Variants in PCNX1 observed in about 807,000 individuals in gnomAD.
PCNX1 encodes the protein pecanex 1.
A neutral mutation model predicts 242.2 loss-of-function variants in PCNX1; 78 were observed. The ratio of observed to expected loss-of-function variants is 0.32; its 90% CI spans 0.27 to 0.39. The LOEUF (loss-of-function observed/expected upper bound fraction) is 0.39, where lower values mean the gene tolerates loss of function less well. Among genes scored for constraint, PCNX1 ranks in the 10% least tolerant of loss-of-function variants. PCNX1 has a pLI of 1.00. For synonymous variants in PCNX1, 1,024 were observed against 1,032.9 expected (o/e 0.99, Z 0.17); for missense variants, 2,581 against 2,856.5 (o/e 0.90, Z 2.20).
Position 71,076,302 on chromosome 14 carries a change from G to A in PCNX1, c.5220G>A (p.Pro1740=), listed in dbSNP as rs769664456. 1.2e-5 allele frequency: 19 copies of A among 1,613,764 alleles called. No homozygotes were observed. In the East Asian group the frequency reaches 1.3e-4, roughly 11 times the overall value. The stretch of plus-strand genomic sequence containing the variant: ...ATCGCAATTATGTCGATGTGGACCC[G>A]ACCTTTAATCCAAACATTGATGAAG... ...CADRNYVDVD[P]TFNPNIDEDY... Residue 1740 remains proline, a synonymous_variant, in exon 28 of 36, where the codon CCG becomes CCA. Transcript: ENST00000304743.
At chr14:71,052,808 A>G (rs1595382206) in intron 24 of PCNX1, among the ~76,000 whole-genome samples, 1 of 152,300 alleles carries the variant, frequency 6.6e-6, no homozygotes, top group East Asian at 1.9e-4. Flanking sequence ...TGGGCTAGCT[A>G]CTTAATCTGA....
rs2061217380 is a variant in PCNX1 at position 71,057,607 on chromosome 14, A to G, written c.4735A>G (p.Asn1579Asp). 6.2e-7 allele frequency: 1 copy of G among 1,613,306 alleles called. No homozygotes were observed. The highest frequency in any genetic ancestry group is 8.5e-7 in the Non-Finnish European group (1 of 1,179,270). ...TGATTTGCTACTAGGACGGTGGGGA[A>G]ACTACAGTACAGGGGACTGTTTCAT... The part of the protein sequence containing the change: ...CGDLLLGRWG[N>D]YSTGDCFILA... The change falls in exon 26 of 36, where the codon AAC (asparagine) becomes GAC (aspartate). Residue 1579 changes from asparagine (N) to aspartate (D), a missense_variant. By Grantham distance (23) the Asn-to-Asp change is conservative. This residue lies in a region of PCNX1 where 54 missense variants were observed against 45.3 expected (regional missense o/e 1.19). Coordinates refer to ENST00000304743, the MANE Select transcript of PCNX1 (RefSeq NM_014982.3).
rs2062522000 is a variant in PCNX1, at chr14:71,103,616, G to A, written c.6042G>A (p.Gly2014=). The A allele has an allele frequency of 6.2e-7, 1 of 1,613,922 alleles. No individual in the cohort carries two copies. The highest frequency in any genetic ancestry group is 8.5e-7 in the Non-Finnish European group (1 of 1,179,980). Residue 2014 remains glycine, a synonymous_variant, in exon 32 of 36, where the codon GGG becomes GGA. Coordinates refer to ENST00000304743, the MANE Select transcript of PCNX1 (RefSeq NM_014982.3). ...DSHEQLKDIL[G]GPISLGNIRN... is the part of the protein sequence containing the mutation. ...ACGAACAGCTTAAAGACATTCTTGG[G>A]GGTCCTATCAGCTTGGGAAATATCA...
At chr14:70,936,799 T>C (rs1028972515) in intron 1 of PCNX1, among the ~76,000 whole-genome samples, 11 of 152,204 alleles carry the variant, frequency 7.2e-5, no homozygotes, top group Non-Finnish European at 1.3e-4. Context: ...ACCTGTTGTT[T>C]CCTGACTTTT....
At chr14:71,029,221 G>A (rs949918506) in intron 16 of PCNX1, among the ~76,000 whole-genome samples, 20 of 152,066 alleles carry the variant, frequency 1.3e-4, no homozygotes, top group African/African-American at 3.9e-4. Flanking sequence ...GAAATTTAAC[G>A]TCATTATTGG....
At chr14:71,023,175 A>G in intron 12 of PCNX1, 25 bp from the exon 13 acceptor site, 1 of 1,593,470 alleles carries the variant, frequency 6.3e-7, no homozygotes, top group Non-Finnish European at 8.6e-7. Flanking sequence ...CAGGAGTGTA[A>G]TTTGTCTTTC....
chr14:71,012,624 G>T, intron 10 of PCNX1: 1 of 288,256 alleles, frequency 3.5e-6, no homozygotes, highest in Non-Finnish European at 6.7e-6. Context: ...GAGGTCAAGA[G>T]TTCAAGACCA....
intron 1 of PCNX1, among the ~76,000 whole-genome samples, chr14:70,918,728 A>C (rs2056248707): frequency 6.6e-6 from 1 of 152,160 alleles, no homozygotes; most frequent in African/African-American, 2.4e-5. Flanking sequence ...AAAAATGCCA[A>C]ATTTTCTTCT....
chr14:71,008,679 AAAAG>A (rs2059737699), intron 8 of PCNX1, among the ~76,000 whole-genome samples: 1 of 151,368 alleles, frequency 6.6e-6, no homozygotes, highest in South Asian at 2.1e-4. Flanking sequence ...AAAAAAAAAA[AAAAG>A]GGATTCCTGT....
chr14:70,986,545 T>C (rs2059007891), intron 6 of PCNX1, among the ~76,000 whole-genome samples: 1 of 152,234 alleles, frequency 6.6e-6, no homozygotes, highest in African/African-American at 2.4e-5. Flanking sequence ...AATTAGCTTT[T>C]ACTTAAGATT....
rs374751889 is a variant in PCNX1 at position 70,995,802 on chromosome 14, C to A, written c.2506C>A (p.Pro836Thr). The A allele has an allele frequency of 4.5e-5, 72 of 1,614,068 alleles. No individual in the cohort carries two copies. Among genetic ancestry groups the A allele is most frequent in the South Asian group, 2.6e-4 (24 of 91,084 alleles). The change falls in exon 8 of 36, where the codon CCT becomes ACT. Residue 836 changes from proline (P) to threonine (T), a missense_variant. Physicochemically the swap from Pro to Thr is conservative, Grantham distance 38. Transcript: ENST00000304743. ...CCAGGTCAAAGTCCAGTCCCGCCCC[C>A]CTTCCCAGGCTGCAGTGCTCAGTGC... ...TAQVKVQSRP[P>T]SQAAVLSASA...
In PCNX1 at chr14:70,985,997, C is replaced by T. The variant is rs764407720; in HGVS notation, c.2312-2570C>T. On this transcript the variant is annotated intron_variant, in intron 6 of 35. Transcript: ENST00000304743. ...TTGGATTCTGGAAGGGAATATTTATCAAGTGTGGCTATAACATATGTGACT... is the reference window on the plus strand; with the variant it reads ...TTGGATTCTGGAAGGGAATATTTATTAAGTGTGGCTATAACATATGTGACT... 5.5e-4 allele frequency among the ~76,000 whole-genome samples: 84 copies of T among 151,920 alleles called. 1 individual carries two copies. Among genetic ancestry groups the T allele is most frequent in the Admixed American group, 2.0e-4 (3 of 15,256 alleles).
At position 71,073,533 on chromosome 14, in the gene PCNX1, T is replaced by C. The variant is rs368129023; in HGVS notation, c.4853-12T>C. ...TTTTCCCCCTTTGTAAAGCTCTCTC[T>C]CTCTCTCTAAGGTACCTACTGTCAA... On this transcript the variant is annotated splice_polypyrimidine_tract_variant and intron_variant, in intron 26 of 35. Coordinates refer to ENST00000304743, the MANE Select transcript of PCNX1 (RefSeq NM_014982.3). 4.1e-5 allele frequency: 65 copies of C among 1,591,806 alleles called. No individual in the cohort carries two copies. In the African/African-American group the frequency reaches 5.4e-4, roughly 13 times the overall value.
intron 6 of PCNX1, among the ~76,000 whole-genome samples, chr14:70,983,201 C>A (rs2058892324): frequency 6.6e-6 from 1 of 152,162 alleles, no homozygotes; most frequent in Admixed American, 6.5e-5. Context: ...TAGAAATCAC[C>A]TATAAAAGTA....
At chr14:70,991,203 CTTTT>C (rs1393062718) in intron 7 of PCNX1, among the ~76,000 whole-genome samples, 2 of 124,318 alleles carry the variant, frequency 1.6e-5, no homozygotes, top group Non-Finnish European at 1.7e-5. Context: ...TGTGTACTAC[CTTTT>C]TTTTTTTTTT....
At chr14:71,068,402 G>A (rs1028949672) in intron 26 of PCNX1, among the ~76,000 whole-genome samples, 7 of 148,270 alleles carry the variant, frequency 4.7e-5, no homozygotes, top group South Asian at 4.2e-4. Flanking sequence ...TTATGTATAC[G>A]TATATATATG....
intron 30 of PCNX1, among the ~76,000 whole-genome samples, chr14:71,091,467 GC>G (rs112663361): frequency 2.0e-5 from 3 of 152,178 alleles, no homozygotes; most frequent in African/African-American, 7.2e-5. Context: ...GAACTGCATA[GC>G]TACATTTATA....
At chr14:71,092,302 T>C (rs1422265140) in intron 30 of PCNX1, among the ~76,000 whole-genome samples, 1 of 152,238 alleles carries the variant, frequency 6.6e-6, no homozygotes, top group Non-Finnish European at 1.5e-5. Flanking sequence ...ATAGCTTTTA[T>C]GTTGGATGCA....
chr14:70,984,990 G>A (rs1184101887), intron 6 of PCNX1, among the ~76,000 whole-genome samples: 1 of 152,140 alleles, frequency 6.6e-6, no homozygotes, highest in African/African-American at 2.4e-5. Flanking sequence ...AGTAACTCCT[G>A]AGGTGGGAGG....
Sources: gnomAD v4.1 joint callset for allele counts (sites outside exome capture counted in the v4.1 genomes callset) on GRCh38, gnomAD v4.1.1 for gene constraint, gnomAD v4.1.1 regional missense constraint, MANE v1.5 for transcripts, NCBI Gene and HGNC (gene_info 2026-07-23, HGNC 2026-07-21) for gene names.